Variants in CDH13 observed in about 807,000 individuals in gnomAD.
CDH13 encodes the protein cadherin 13, also known as cadherin-13.
CDH13 carries 24 observed loss-of-function variants against 63.8 expected under a neutral mutation model. The observed-to-expected ratio is 0.38, with a 90% confidence interval of 0.27 to 0.53. The LOEUF (loss-of-function observed/expected upper bound fraction) is 0.53, where lower values mean the gene tolerates loss of function less well. CDH13 is among the 20% of genes least tolerant of loss of function. The probability of loss-of-function intolerance (pLI) is 0.85; values close to 1 mark genes in which losing one functional copy is unlikely to be tolerated. For missense variants in CDH13, 1,049 were observed against 903.1 expected (o/e 1.16, Z -2.07); for synonymous variants, 503 against 355.3 (o/e 1.42, Z -4.67).
intron 3 of CDH13, among the ~76,000 whole-genome samples, chr16:83,044,411 C>G (rs1291603861): frequency 6.6e-6 from 1 of 152,152 alleles, no homozygotes. Flanking sequence ...GAGCAAAACT[C>G]CTAAAGAAAT....
intron 8 of CDH13, among the ~76,000 whole-genome samples, chr16:83,666,586 C>T (rs1197692488): frequency 2.0e-5 from 3 of 152,230 alleles, no homozygotes; most frequent in African/African-American, 7.2e-5. Context: ...CCTCTGGAGT[C>T]TGATGTCATA....
intron 3 of CDH13, among the ~76,000 whole-genome samples, chr16:83,089,236 C>G (rs1399418303): frequency 6.6e-6 from 1 of 152,162 alleles, no homozygotes; most frequent in African/African-American, 2.4e-5. Context: ...GAATTCCAGC[C>G]CACTAACGTC....
At chr16:82,682,477 G>A (rs1008381328) in intron 1 of CDH13, among the ~76,000 whole-genome samples, 1 of 152,202 alleles carries the variant, frequency 6.6e-6, no homozygotes, top group East Asian at 1.9e-4. Context: ...AAGTTCTGCA[G>A]GGAGAAATAC....
At chr16:83,348,470 G>C (rs1471378968) in intron 6 of CDH13, among the ~76,000 whole-genome samples, 2 of 152,184 alleles carry the variant, frequency 1.3e-5, no homozygotes, top group African/African-American at 4.8e-5. Context: ...AGCTTCATGG[G>C]GCACAGCCTT....
chr16:83,500,213 G>C (rs1852117578), intron 7 of CDH13, among the ~76,000 whole-genome samples: 1 of 148,918 alleles, frequency 6.7e-6, no homozygotes, highest in African/African-American at 2.5e-5. Context: ...TTTGAATTCA[G>C]ACACTAGTTT....
chr16:82,747,761 G>A (rs538800126), intron 1 of CDH13, among the ~76,000 whole-genome samples: 4 of 152,306 alleles, frequency 2.6e-5, no homozygotes, highest in South Asian at 2.1e-4. Context: ...TGCATAATGC[G>A]AATGTTGTGA....
chr16:83,320,763 A>G (rs1355074624), intron 5 of CDH13, among the ~76,000 whole-genome samples: 1 of 152,190 alleles, frequency 6.6e-6, no homozygotes. Flanking sequence ...AGCGCAAGGA[A>G]TGAGAAAAAG....
chr16:82,760,233 A>AG (rs1179244888), intron 1 of CDH13, among the ~76,000 whole-genome samples: 1 of 152,120 alleles, frequency 6.6e-6, no homozygotes, highest in African/African-American at 2.4e-5. Flanking sequence ...GTACTTACTG[A>AG]GGGGGTAGAA....
At chr16:82,835,715 G>A (rs758570396) in intron 1 of CDH13, among the ~76,000 whole-genome samples, 2 of 152,184 alleles carry the variant, frequency 1.3e-5, no homozygotes, top group African/African-American at 4.8e-5. Context: ...AGTTTCCCTA[G>A]TTTTGCTGGT....
At chr16:83,698,660 G>C (rs1409058003) in intron 10 of CDH13, among the ~76,000 whole-genome samples, 2 of 152,198 alleles carry the variant, frequency 1.3e-5, no homozygotes, top group Non-Finnish European at 2.9e-5. Context: ...GATCTAGCCT[G>C]GAACACTGAG....
chr16:83,440,800 A>T (rs1455856246), intron 6 of CDH13, among the ~76,000 whole-genome samples: 4 of 147,144 alleles, frequency 2.7e-5, no homozygotes, highest in East Asian at 4.2e-4. Context: ...AAAAAAAAAA[A>T]AAGCGGGGGA....
chr16:82,925,239 A>C (rs1031986424), intron 2 of CDH13, among the ~76,000 whole-genome samples: 6 of 152,154 alleles, frequency 3.9e-5, no homozygotes, highest in African/African-American at 1.4e-4. Flanking sequence ...GAGGTGACAT[A>C]AAATTAGAGA....
chr16:83,251,098 C>T (rs1301173743), intron 5 of CDH13, among the ~76,000 whole-genome samples: 4 of 151,876 alleles, frequency 2.6e-5, no homozygotes, highest in African/African-American at 9.7e-5. Flanking sequence ...CCAGGAACTT[C>T]CTGATGGAGA....
At chr16:83,741,175 T>C (rs1912021206) in intron 10 of CDH13, among the ~76,000 whole-genome samples, 1 of 152,216 alleles carries the variant, frequency 6.6e-6, no homozygotes, top group Admixed American at 6.5e-5. Flanking sequence ...TGTCAGAAGA[T>C]TTGAAATATG....
intron 2 of CDH13, among the ~76,000 whole-genome samples, chr16:82,889,627 C>T (rs1447827360): frequency 6.6e-6 from 1 of 152,168 alleles, no homozygotes; most frequent in Non-Finnish European, 1.5e-5. Flanking sequence ...TCAAATGTTG[C>T]ATCTATATCT....
intron 4 of CDH13, among the ~76,000 whole-genome samples, chr16:83,203,496 C>G (rs1478780900): frequency 1.3e-5 from 2 of 151,574 alleles, no homozygotes; most frequent in African/African-American, 4.8e-5. Context: ...ACCATCCTGG[C>G]TAACATGGTG....
chr16:83,733,760 T>C (rs938768887), intron 10 of CDH13, among the ~76,000 whole-genome samples: 19 of 152,304 alleles, frequency 1.2e-4, no homozygotes, highest in African/African-American at 4.6e-4. Flanking sequence ...TCTGGTCTTC[T>C]GACATCCCAG....
chr16:82,639,930 A>G (rs1011854334), intron 1 of CDH13, among the ~76,000 whole-genome samples: 1 of 152,202 alleles, frequency 6.6e-6, no homozygotes, highest in Non-Finnish European at 1.5e-5. Flanking sequence ...CTATCTGTGC[A>G]TTCCCTATTT....
intron 11 of CDH13, among the ~76,000 whole-genome samples, chr16:83,751,002 A>G (rs1274789444): frequency 6.6e-6 from 1 of 150,860 alleles, no homozygotes; most frequent in Non-Finnish European, 1.5e-5. Context: ...CAGGTAAAGC[A>G]TTCTAGTAGA....
Sources: gnomAD v4.1 joint callset for allele counts (sites outside exome capture counted in the v4.1 genomes callset) on GRCh38, gnomAD v4.1.1 for gene constraint, MANE v1.5 for transcripts, NCBI Gene and HGNC (gene_info 2026-07-23, HGNC 2026-07-21) for gene names.